CCDC178: variants seen among roughly 807,000 people sequenced by gnomAD.
CCDC178 encodes coiled-coil domain-containing protein 178.
In CCDC178, 126 loss-of-function variants were observed where a neutral mutation model predicts 117.4. The ratio of observed to expected loss-of-function variants is 1.07; its 90% confidence interval spans 0.93 to 1.24. The LOEUF (loss-of-function observed/expected upper bound fraction) is 1.24, where lower values mean the gene tolerates loss of function less well. Ranked by LOEUF, CCDC178 falls within the 50% of genes most tolerant of loss-of-function variation. The pLI, the probability that CCDC178 is intolerant of heterozygous loss-of-function variation, is 0.00. For missense variants in CCDC178, 1,030 were observed against 986.9 expected, an observed-to-expected ratio of 1.04 and a Z score of -0.59; for synonymous variants, 283 against 313.4, an observed-to-expected ratio of 0.90 and a Z score of 1.02.
chr18:33,198,924 G>A (rs1158863879), intron 20 of CCDC178, among the ~76,000 whole-genome samples: 3 of 152,084 alleles, frequency 2.0e-5, no homozygotes, highest in Non-Finnish European at 4.4e-5. Flanking sequence ...GCTTCTCAGA[G>A]TTAAGGGATG....
At chr18:32,971,636 A>T (rs1327982611) in intron 22 of CCDC178, among the ~76,000 whole-genome samples, 2 of 152,154 alleles carry the variant, frequency 1.3e-5, no homozygotes, top group Non-Finnish European at 2.9e-5. Flanking sequence ...TTACATTCCC[A>T]TCAAAAATGT....
At chr18:33,004,237 C>G (rs2055704748) in intron 21 of CCDC178, among the ~76,000 whole-genome samples, 1 of 151,974 alleles carries the variant, frequency 6.6e-6, no homozygotes, top group Non-Finnish European at 1.5e-5. Context: ...GCAAAAAGAA[C>G]AAAACTGGAG....
In CCDC178 at chr18:33,179,059, T is replaced by TAAAAAAAA. The variant is rs757037955; in HGVS notation, c.2238+32829_2238+32836dup. On this transcript the variant is annotated intron_variant, in intron 20 of 22. Coordinates refer to ENST00000383096, the MANE Select transcript of CCDC178 (RefSeq NM_001105528.4). ...CTTGATGGACTACTAAAGCACTCAGTAAAAAAAAAAAAAAAAAAAATATAT... is the reference window on the plus strand; with the variant it reads ...CTTGATGGACTACTAAAGCACTCAGTAAAAAAAAAAAAAAAAAAAAAAAAAAAATATAT... 4.3e-3 allele frequency among the ~76,000 whole-genome samples: 64 copies of TAAAAAAAA among 14,754 alleles called. 16 individuals are homozygous for TAAAAAAAA. The highest frequency in any genetic ancestry group is 0.027 in the African/African-American group (64 of 2,382). 9.7% of individuals were successfully genotyped at this position (14,754 alleles called of 152,430 possible). A position where few individuals can be genotyped will look rare whatever the true frequency, so the allele number is the denominator to read the frequency against.
intron 2 of CCDC178, among the ~76,000 whole-genome samples, chr18:33,438,402 C>G (rs990114194): frequency 3.9e-5 from 6 of 152,180 alleles, no homozygotes; most frequent in African/African-American, 1.4e-4. Context: ...CTTCCTCTAG[C>G]AAGATCTGAA....
chr18:33,135,947 A>G (rs2058120755), intron 20 of CCDC178: 1 of 152,200 alleles, frequency 6.6e-6, no homozygotes, highest in Non-Finnish European at 1.5e-5. Flanking sequence ...AGCAAACTTG[A>G]AAGATCCCTT....
intron 2 of CCDC178, among the ~76,000 whole-genome samples, chr18:33,436,184 T>C (rs2064287755): frequency 6.7e-6 from 1 of 149,672 alleles, no homozygotes; most frequent in Non-Finnish European, 1.5e-5. Flanking sequence ...GAGAAAGGAG[T>C]TGCAACCTGG....
intron 20 of CCDC178, among the ~76,000 whole-genome samples, chr18:33,146,159 A>G (rs1326903021): frequency 2.6e-5 from 4 of 152,224 alleles, no homozygotes. Flanking sequence ...TGCAGTTTCA[A>G]TCATGTGAGC....
intron 21 of CCDC178, among the ~76,000 whole-genome samples, chr18:33,058,683 G>A (rs2056869908): frequency 6.6e-6 from 1 of 152,192 alleles, no homozygotes; most frequent in African/African-American, 2.4e-5. Flanking sequence ...AAGGCAGGAT[G>A]TCATGGGTTT....
In CCDC178 at chr18:33,389,630, C is replaced by CT; in HGVS notation, c.119-2dup. 1 of 1,454,250 alleles carries CT rather than the reference C, an allele frequency of 6.9e-7. No individual in the cohort carries two copies. The highest frequency in any genetic ancestry group is 9.1e-7 in the Non-Finnish European group (1 of 1,093,982). The allele number at this position is 1,454,250 out of a possible 1,614,324, so 90.1% of individuals were successfully genotyped here. Reference sequence around the variant, plus strand: ...ACCAAACTTTGAGACATGGCATTGCCTTTTAAAAAGAAAAAATACATATTT... The same window carrying CT: ...ACCAAACTTTGAGACATGGCATTGCCTTTTTAAAAAGAAAAAATACATATTT... On this transcript the variant is annotated splice_acceptor_variant, in intron 4 of 22. Transcript: ENST00000383096. LOFTEE classifies it high-confidence loss of function.
chr18:33,015,947 G>A (rs2055979568), intron 21 of CCDC178, among the ~76,000 whole-genome samples: 1 of 152,144 alleles, frequency 6.6e-6, no homozygotes, highest in African/African-American at 2.4e-5. Context: ...AGATTCTTCA[G>A]TTAGAATAGA....
chr18:33,119,729 T>A (rs980265553), intron 20 of CCDC178, among the ~76,000 whole-genome samples: 2 of 152,170 alleles, frequency 1.3e-5, no homozygotes, highest in Non-Finnish European at 2.9e-5. Context: ...TAAAGACACA[T>A]GCACACGTAT....
At chr18:33,352,433 C>CT (rs888841988) in intron 7 of CCDC178, among the ~76,000 whole-genome samples, 1 of 152,004 alleles carries the variant, frequency 6.6e-6, no homozygotes, top group Admixed American at 6.6e-5. Context: ...TTTATTTCTA[C>CT]TTTAACCTTT....
At chr18:32,959,201 G>A (rs1653081852) in intron 22 of CCDC178, among the ~76,000 whole-genome samples, 1 of 152,224 alleles carries the variant, frequency 6.6e-6, no homozygotes. Context: ...GGATCTGCAG[G>A]GGAAAGGAAT....
chr18:33,168,064 T>C (rs1438843644), intron 20 of CCDC178, among the ~76,000 whole-genome samples: 1 of 152,154 alleles, frequency 6.6e-6, no homozygotes, highest in East Asian at 1.9e-4. Flanking sequence ...ATAGTTTCTT[T>C]TGTGCAGAAT....
chr18:33,284,863 ACAAAGAATAT>A (rs1231239355), intron 12 of CCDC178, among the ~76,000 whole-genome samples: 1 of 152,094 alleles, frequency 6.6e-6, no homozygotes, highest in Non-Finnish European at 1.5e-5. Context: ...AGAATTTTCC[ACAAAGAATAT>A]CAGGAAATGC....
At position 33,338,055 on chromosome 18, in the gene CCDC178, G is replaced by GA. The variant is rs1229953811; in HGVS notation, c.659-4662dup. Reference sequence around the variant, plus strand: ...ATCTACAAAGAACTCAAATCAGCCAGAAAAAATCAAATAATCCCATCAAAA... The same window carrying GA: ...ATCTACAAAGAACTCAAATCAGCCAGAAAAAAATCAAATAATCCCATCAAAA... On this transcript the variant is annotated intron_variant, in intron 9 of 22. Coordinates refer to ENST00000383096, the MANE Select transcript of CCDC178 (RefSeq NM_001105528.4). Among the ~76,000 whole-genome samples the GA allele has an allele frequency of 5.3e-5, 8 of 152,094 alleles. No homozygotes were observed. The South Asian group carries it at 6.2e-4, about 12-fold the overall frequency.
intron 12 of CCDC178, among the ~76,000 whole-genome samples, chr18:33,281,402 T>C (rs2060024246): frequency 6.6e-6 from 1 of 152,106 alleles, no homozygotes; most frequent in South Asian, 2.1e-4. Flanking sequence ...ACCTCTAGAT[T>C]GAAACAATAT....
Position 33,153,432 on chromosome 18 carries a change from T to C in CCDC178, c.2238+58464A>G, listed in dbSNP as rs550147497. On this transcript the variant is annotated intron_variant, in intron 20 of 22. Transcript: ENST00000383096. ...GCAACAAATACACAGGGAAAGAACC[T>C]CTTACTAAACTTTTATCTCTTATGT... Among the ~76,000 whole-genome samples, 19 of 152,114 alleles carry C rather than the reference T, an allele frequency of 1.2e-4. 1 individual carries two copies. In the South Asian group the frequency reaches 3.9e-3, roughly 32 times the overall value.
intron 14 of CCDC178, among the ~76,000 whole-genome samples, chr18:33,259,648 TCACCCCCCCC>T (rs1016637261): frequency 5.9e-5 from 9 of 151,492 alleles, no homozygotes; most frequent in African/African-American, 2.2e-4. Context: ...CATGATTCAA[TCACCCCCCCC>T]CACCAGTCCC....
Sources: allele counts gnomAD v4.1 joint callset (sites outside exome capture counted in the v4.1 genomes callset), GRCh38; gene constraint gnomAD v4.1.1; transcripts MANE v1.5; gene names NCBI Gene and HGNC (gene_info 2026-07-23, HGNC 2026-07-21).